Variants in APC observed in about 807,000 individuals in gnomAD.
APC encodes APC regulator of Wnt signaling pathway.
In APC, 72 loss-of-function variants were observed where a neutral mutation model predicts 247.0. The observed-to-expected ratio is 0.29, with a 90% CI of 0.24 to 0.35. The LOEUF (loss-of-function observed/expected upper bound fraction) is 0.35, where lower values mean the gene tolerates loss of function less well. Among genes scored for constraint, APC ranks in the 10% least tolerant of loss-of-function variants. The pLI, the probability that APC is intolerant of heterozygous loss-of-function variation, is 1.00. For synonymous variants in APC, 1,254 were observed against 1,162.5 expected (o/e 1.08, Z -1.60); for missense variants, 3,400 against 3,360.7 (o/e 1.01, Z -0.29).
chr5:112,724,542 T>C (rs921142889), intron 1 of APC, among the ~76,000 whole-genome samples: 1 of 139,218 alleles, frequency 7.2e-6, no homozygotes, highest in Non-Finnish European at 1.5e-5. Context: ...GAGCAATATA[T>C]ACGTAATCCC....
chr5:112,839,557 C>T lies in APC; in HGVS notation c.3963C>T (p.Ser1321=), dbSNP rs150595875. The T allele has an allele frequency of 7.7e-5, 124 of 1,614,112 alleles. No homozygotes were observed. In the African/African-American group the frequency reaches 1.5e-3, roughly 20 times the overall value. Residue 1321 remains serine (S), a synonymous_variant, in exon 16 of 16, where the codon AGC becomes AGT. Transcript: ENST00000257430. The surrounding 1 kb of genome is among the most constrained non-coding windows in gnomAD (Gnocchi z 5.0). ...CTAGGTCAGCTGAAGATCCTGTGAG[C>T]GAAGTTCCAGCAGTGTCACAGCACC... ...IGTRSAEDPV[S]EVPAVSQHPR...
At chr5:112,716,748 A>G (rs948822602) in intron 1 of APC, among the ~76,000 whole-genome samples, 14 of 152,232 alleles carry the variant, frequency 9.2e-5, no homozygotes, top group East Asian at 1.9e-4. Flanking sequence ...TGTAATAGCT[A>G]TATCTTCTCA....
intron 7 of APC, among the ~76,000 whole-genome samples, chr5:112,797,556 A>G (rs987436866): frequency 2.6e-5 from 4 of 152,194 alleles, no homozygotes; most frequent in Non-Finnish European, 4.4e-5. Context: ...CAGAAGTTAC[A>G]TAAAGGTATG....
Position 112,843,849 on chromosome 5 carries a change from A to C in APC, c.8255A>C (p.Asn2752Thr), listed in dbSNP as rs878853474. The C allele has an allele frequency of 1.2e-6, 2 of 1,614,090 alleles. No individual in the cohort carries two copies. Among genetic ancestry groups the C allele is most frequent in the South Asian group, 1.1e-5 (1 of 91,080 alleles). The change falls in exon 16 of 16, where the codon AAT (asparagine) becomes ACT (threonine). Residue 2752 changes from asparagine (N) to threonine (T), a missense_variant. By Grantham distance (65) the Asn-to-Thr change is moderately conservative. This residue lies in a region of APC where 1,788 missense variants were observed against 1,649.5 expected (regional missense o/e 1.08). Coordinates refer to ENST00000257430, the MANE Select transcript of APC (RefSeq NM_000038.6). This position sits in a 1 kb window ranked among gnomAD's most constrained non-coding sequence, Gnocchi z 4.8. Reference sequence around the variant, plus strand: ...AATCCTGTCCCTGTATCAGAGACTAATGAAAGTTCTATAGTGGAACGTACC... The same window carrying C: ...AATCCTGTCCCTGTATCAGAGACTACTGAAAGTTCTATAGTGGAACGTACC... ...QNNPVPVSET[N>T]ESSIVERTPF...
At chr5:112,715,504 C>T (rs1371117768) in intron 1 of APC, among the ~76,000 whole-genome samples, 3 of 151,974 alleles carry the variant, frequency 2.0e-5, no homozygotes, top group East Asian at 1.9e-4. Context: ...CCATTCTTGT[C>T]GAGATGTGAA....
chr5:112,793,317 T>C (rs1759849802), intron 7 of APC, among the ~76,000 whole-genome samples: 1 of 151,990 alleles, frequency 6.6e-6, no homozygotes. Context: ...TACATGAAAA[T>C]TTACCTACTG....
intron 1 of APC, among the ~76,000 whole-genome samples, chr5:112,751,298 T>A (rs1754335372): frequency 6.6e-6 from 1 of 152,114 alleles, no homozygotes; most frequent in African/African-American, 2.4e-5. Flanking sequence ...GTACAATATT[T>A]TAATATGTTG....
intron 14 of APC, among the ~76,000 whole-genome samples, chr5:112,831,317 C>T (rs1764277125): frequency 6.6e-6 from 1 of 152,058 alleles, no homozygotes; most frequent in South Asian, 2.1e-4. Flanking sequence ...CCATGTTGGC[C>T]AGGATGGTCT....
intron 5 of APC, chr5:112,777,752 A>T (rs769987141): frequency 3.2e-5 from 8 of 252,812 alleles, no homozygotes; most frequent in Non-Finnish European, 5.9e-5. Context: ...ACTCTGCCTA[A>T]TCTGAATCCT....
chr5:112,729,455 G>A (rs1382873642), intron 1 of APC, among the ~76,000 whole-genome samples: 1 of 152,216 alleles, frequency 6.6e-6, no homozygotes, highest in Non-Finnish European at 1.5e-5. Flanking sequence ...TGACATGAAG[G>A]ACTAGTCATT....
intron 8 of APC, among the ~76,000 whole-genome samples, chr5:112,812,993 A>G (rs373097994): frequency 6.6e-6 from 1 of 152,210 alleles, no homozygotes; most frequent in Admixed American, 6.5e-5. Context: ...GTCAGCATAA[A>G]GAGTCCAGAC....
chr5:112,768,450 C>A (rs1026598305), intron 4 of APC, among the ~76,000 whole-genome samples: 1 of 149,168 alleles, frequency 6.7e-6, no homozygotes, highest in Non-Finnish European at 1.5e-5. Context: ...CTACTAGATT[C>A]AGTAAAAGAT....
chr5:112,724,523 A>G (rs1751663870), intron 1 of APC, among the ~76,000 whole-genome samples: 1 of 145,344 alleles, frequency 6.9e-6, no homozygotes, highest in Non-Finnish European at 1.5e-5. Flanking sequence ...AACAGCTTTT[A>G]GTGAGAAAGA....
intron 13 of APC, 150 bp downstream of exon 13, chr5:112,828,156 C>G: frequency 1.4e-6 from 1 of 726,662 alleles, no homozygotes; most frequent in Non-Finnish European, 2.4e-6. Flanking sequence ...CCACTTCAGC[C>G]TCTCGAGGCT....
intron 8 of APC, among the ~76,000 whole-genome samples, chr5:112,806,682 A>G (rs965966629): frequency 2.0e-5 from 3 of 152,056 alleles, no homozygotes; most frequent in Non-Finnish European, 2.9e-5. Flanking sequence ...GGCTCAAGCC[A>G]TTCTTCCACT....
intron 5 of APC, chr5:112,777,866 C>A: frequency 4.5e-6 from 1 of 223,498 alleles, no homozygotes; most frequent in South Asian, 8.2e-5. Context: ...CAGCAGCATC[C>A]CTTCTCTTCT....
chr5:112,720,345 A>G (rs1034634420), intron 1 of APC, among the ~76,000 whole-genome samples: 2 of 152,292 alleles, frequency 1.3e-5, no homozygotes, highest in African/African-American at 4.8e-5. Flanking sequence ...AAAGATTCCT[A>G]TTATAGTTCC....
intron 5 of APC, among the ~76,000 whole-genome samples, chr5:112,778,827 G>A (rs76314893): frequency 6.6e-6 from 1 of 152,178 alleles, no homozygotes; most frequent in Admixed American, 6.5e-5. Flanking sequence ...ACAGGTGTGA[G>A]CCACTGCGCC....
At position 112,835,083 on chromosome 5, in the gene APC, A is replaced by G. The variant is rs771748555; in HGVS notation, c.1876A>G (p.Thr626Ala). The change falls in exon 15 of 16, where the codon ACA becomes GCA. Residue 626 changes from threonine to alanine, a missense_variant. By Grantham distance (58) the Thr-to-Ala change is moderately conservative. Around this residue, in one of 9 missense-constraint regions of APC, gnomAD observed 184 missense variants for 248.0 expected, o/e 0.74. Coordinates refer to ENST00000257430, the MANE Select transcript of APC (RefSeq NM_000038.6). Reference sequence around the variant, plus strand: ...TGGCACTCTTACTTACCGGAGCCAGACAAACACTTTAGCCATTATTGAAAG... The same window carrying G: ...TGGCACTCTTACTTACCGGAGCCAGGCAAACACTTTAGCCATTATTGAAAG... The part of the protein sequence containing the change: ...LVGTLTYRSQ[T>A]NTLAIIESGG... 24 of 1,614,054 alleles carry G rather than the reference A, an allele frequency of 1.5e-5. No individual in the cohort carries two copies. The highest frequency in any genetic ancestry group is 1.3e-5 in the African/African-American group (1 of 74,938).
Sources: allele counts gnomAD v4.1 joint callset (sites outside exome capture counted in the v4.1 genomes callset), GRCh38; gene constraint gnomAD v4.1.1; regional missense constraint gnomAD v4.1.1; non-coding constraint Gnocchi (gnomAD v3.1); transcripts MANE v1.5; gene names NCBI Gene and HGNC (gene_info 2026-07-23, HGNC 2026-07-21).